The following DNAH14 variants were observed in gnomAD, a reference collection of about 807,000 sequenced individuals.
The protein encoded by DNAH14 is dynein axonemal heavy chain 14.
DNAH14 carries 478 observed loss-of-function variants against 520.9 expected under a neutral mutation model. That is an observed-to-expected ratio of 0.92 (90% confidence interval 0.85 to 0.99). The LOEUF (loss-of-function observed/expected upper bound fraction) is 0.99, where lower values mean the gene tolerates loss of function less well. Ranked by LOEUF, DNAH14 falls within the 50% of genes least tolerant of loss-of-function variation. The pLI is 0.00. For missense variants in DNAH14, 4,831 were observed against 5,234.5 expected (o/e 0.92, Z 2.38); for synonymous variants, 1,581 against 1,757.2 (o/e 0.90, Z 2.51).
intron 78 of DNAH14, among the ~76,000 whole-genome samples, chr1:225,376,136 G>A (rs2095697346): frequency 6.6e-6 from 1 of 151,808 alleles, no homozygotes; most frequent in Admixed American, 6.6e-5. Context: ...GTTAAATTTA[G>A]GATTCTTTGG....
At chr1:225,292,293 G>A (rs989033054) in intron 55 of DNAH14, among the ~76,000 whole-genome samples, 11 of 152,084 alleles carry the variant, frequency 7.2e-5, no homozygotes, top group South Asian at 2.1e-4. Context: ...TGAGAGGTGG[G>A]GGTCTATTTT....
intron 11 of DNAH14, 63 bp from the exon 12 acceptor site, chr1:225,038,631 T>C: frequency 6.9e-7 from 1 of 1,447,058 alleles, no homozygotes; most frequent in Non-Finnish European, 9.2e-7. Context: ...TTGTAGGTGT[T>C]CTTTATATAT....
chr1:225,391,408 G>A (rs2095911049), intron 83 of DNAH14, among the ~76,000 whole-genome samples: 1 of 152,166 alleles, frequency 6.6e-6, no homozygotes, highest in Non-Finnish European at 1.5e-5. Context: ...GGAGGTCGAG[G>A]CTGCAGTGAG....
chr1:225,019,758 C>T (rs1251695365), intron 10 of DNAH14, among the ~76,000 whole-genome samples: 1 of 152,118 alleles, frequency 6.6e-6, no homozygotes. Flanking sequence ...TTCTGAGTGA[C>T]TTTTGGTTAA....
intron 83 of DNAH14, among the ~76,000 whole-genome samples, chr1:225,391,448 G>A (rs1266234861): frequency 1.3e-5 from 2 of 152,112 alleles, no homozygotes; most frequent in Non-Finnish European, 2.9e-5. Flanking sequence ...CTCCAGCCTG[G>A]GCAACAGAGC....
chr1:225,231,745 T>A (rs781238996), intron 42 of DNAH14, among the ~76,000 whole-genome samples: 21 of 152,180 alleles, frequency 1.4e-4, no homozygotes, highest in Non-Finnish European at 2.6e-4. Context: ...CACTCACTTA[T>A]CTACGTCTTG....
chr1:225,302,792 A>T (rs2094164215), intron 56 of DNAH14, among the ~76,000 whole-genome samples: 1 of 152,136 alleles, frequency 6.6e-6, no homozygotes, highest in East Asian at 1.9e-4. Context: ...GCTCTAATTC[A>T]TCTGACCATC....
At position 225,006,467 on chromosome 1, in the gene DNAH14, G is replaced by T. The variant is rs139777205; in HGVS notation, c.976-946G>T. On this transcript the variant is annotated intron_variant, in intron 9 of 85. Transcript: ENST00000682510. ...ATCGCTGAATTCTTTTCCCAGCAAG[G>T]AATAACCCTGGGAAGGGAATGCATT... Among the ~76,000 whole-genome samples the T allele has an allele frequency of 8.5e-5, 13 of 152,262 alleles. No homozygotes were observed. In the East Asian group the frequency reaches 2.1e-3, roughly 25 times the overall value.
intron 13 of DNAH14, 30 bp from the exon 14 acceptor site, chr1:225,043,713 AT>A: frequency 7.1e-7 from 1 of 1,400,948 alleles, no homozygotes; most frequent in Non-Finnish European, 9.8e-7. Flanking sequence ...TCAATTTTGT[AT>A]TTTCTCTTTC....
intron 8 of DNAH14, among the ~76,000 whole-genome samples, chr1:224,991,898 C>A (rs1254783439): frequency 1.3e-5 from 2 of 152,122 alleles, no homozygotes; most frequent in Non-Finnish European, 2.9e-5. Context: ...TAGAGAAATG[C>A]AAATCAAAAC....
chr1:225,097,926 T>TG (rs936910561), intron 22 of DNAH14, among the ~76,000 whole-genome samples: 15 of 152,312 alleles, frequency 9.8e-5, no homozygotes, highest in African/African-American at 3.4e-4. Context: ...AGGCTGAGTG[T>TG]GGTGGCTTAT....
intron 27 of DNAH14, among the ~76,000 whole-genome samples, chr1:225,136,803 C>T (rs185412732): frequency 1.3e-5 from 2 of 152,220 alleles, no homozygotes; most frequent in African/African-American, 2.4e-5. Context: ...GTCGTAGGTT[C>T]GTTCTCTTTC....
rs1190645348 is a variant in DNAH14, at chr1:225,337,364, C to A, written c.10179C>A (p.Asp3393Glu). Residue 3393 changes from aspartate to glutamate, a missense_variant, in exon 67 of 86, where the codon GAC (aspartate) becomes GAA (glutamate). Physicochemically the swap from Asp to Glu is conservative, Grantham distance 45. Transcript: ENST00000682510. ...KNGQQWPLLI[D>E]PHRQAHKWIR... ...GCCAGCAGTGGCCACTGCTGATTGACCCACATAGGCAAGCTCACAAATGGA... is the reference window on the plus strand; with the variant it reads ...GCCAGCAGTGGCCACTGCTGATTGAACCACATAGGCAAGCTCACAAATGGA... 1 of 1,551,582 alleles carries A rather than the reference C, an allele frequency of 6.4e-7. No homozygotes were observed. Among genetic ancestry groups the A allele is most frequent in the Non-Finnish European group, 8.7e-7 (1 of 1,146,958 alleles).
chr1:225,023,765 C>A lies in DNAH14; in HGVS notation c.1258C>A (p.Arg420Ser). Reference sequence around the variant, plus strand: ...TGACTACATATTTCAGGAACTCATTCGTCAACTTATGAACACTGCAGTCAC... The same window carrying A: ...TGACTACATATTTCAGGAACTCATTAGTCAACTTATGAACACTGCAGTCAC... ...LVDYIFQELI[R>S]QLMNTAVTLL... The change falls in exon 11 of 86, where the codon CGT becomes AGT. Residue 420 changes from arginine (R) to serine (S), a missense_variant. Arg to Ser is a moderately radical substitution (Grantham distance 110). Coordinates refer to ENST00000682510, the MANE Select transcript of DNAH14 (RefSeq NM_001367479.1). 1.3e-6 allele frequency: 2 copies of A among 1,550,660 alleles called. No individual in the cohort carries two copies. Among genetic ancestry groups the A allele is most frequent in the Non-Finnish European group, 1.7e-6 (2 of 1,146,476 alleles).
At chr1:225,064,848 A>G (rs1029072806) in intron 17 of DNAH14, among the ~76,000 whole-genome samples, 1 of 151,980 alleles carries the variant, frequency 6.6e-6, no homozygotes. Flanking sequence ...GGTAGTTACA[A>G]ATATGTATGA....
chr1:225,386,308 A>G (rs1038184614), intron 81 of DNAH14, among the ~76,000 whole-genome samples: 24 of 152,240 alleles, frequency 1.6e-4, no homozygotes, highest in African/African-American at 5.8e-4. Context: ...ACTATTCAGG[A>G]CATAGGCATG....
At chr1:225,327,412 C>T (rs374213194) in intron 64 of DNAH14, among the ~76,000 whole-genome samples, 1 of 152,068 alleles carries the variant, frequency 6.6e-6, no homozygotes, top group African/African-American at 2.4e-5. Flanking sequence ...CCACCCGCCT[C>T]GGCCTACCAA....
At chr1:225,242,777 A>AC (rs1173195497) in intron 43 of DNAH14, among the ~76,000 whole-genome samples, 2 of 152,216 alleles carry the variant, frequency 1.3e-5, no homozygotes, top group Non-Finnish European at 2.9e-5. Context: ...TGCAACTGGC[A>AC]CCCCAGTAGG....
intron 2 of DNAH14, among the ~76,000 whole-genome samples, chr1:224,953,438 A>G (rs1360653380): frequency 1.3e-5 from 2 of 152,232 alleles, no homozygotes; most frequent in Non-Finnish European, 2.9e-5. Flanking sequence ...AGAAAATTAT[A>G]AAGTTTAATT....
Sources: gnomAD v4.1 joint callset for allele counts (sites outside exome capture counted in the v4.1 genomes callset) on GRCh38, gnomAD v4.1.1 for gene constraint, MANE v1.5 for transcripts, NCBI Gene and HGNC (gene_info 2026-07-23, HGNC 2026-07-21) for gene names.